GALNT13: variants seen among roughly 807,000 people sequenced by gnomAD.
GALNT13 encodes polypeptide N-acetylgalactosaminyltransferase 13, also known as UDP-GalNAc:polypeptide N-acetylgalactosaminyltransferase 13.
In GALNT13, 28 loss-of-function variants were observed where a neutral mutation model predicts 64.2. That is an observed-to-expected ratio of 0.44 (90% confidence interval 0.32 to 0.60). The LOEUF (loss-of-function observed/expected upper bound fraction) is 0.60, where lower values mean the gene tolerates loss of function less well. GALNT13 is among the 20% of genes least tolerant of loss of function. The pLI is 0.05. For missense variants in GALNT13, 577 were observed against 669.8 expected (o/e 0.86, Z 1.53); for synonymous variants, 214 against 224.6 (o/e 0.95, Z 0.42).
the GALNT13 span, among the ~76,000 whole-genome samples, chr2:153,460,495 C>A: frequency 6.6e-6 from 1 of 151,958 alleles, no homozygotes. Flanking sequence ...CTGAAGAAGA[C>A]CATCATTATT....
the GALNT13 span, among the ~76,000 whole-genome samples, chr2:153,657,477 A>G: frequency 3.3e-5 from 5 of 152,084 alleles, no homozygotes; most frequent in Admixed American, 6.6e-5. Flanking sequence ...TCAATTAGAT[A>G]CTGATTTCAC....
the GALNT13 span, among the ~76,000 whole-genome samples, chr2:153,507,577 GTGA>G: frequency 6.6e-6 from 1 of 151,956 alleles, no homozygotes; most frequent in Non-Finnish European, 1.5e-5. Context: ...CCATGCCCAG[GTGA>G]TGTTTTTTAT....
chr2:153,499,670 GC>G, the GALNT13 span, among the ~76,000 whole-genome samples: 1 of 152,234 alleles, frequency 6.6e-6, no homozygotes, highest in Non-Finnish European at 1.5e-5. Context: ...TCCAGAGGGG[GC>G]TGAGGGGGCA....
At chr2:153,958,997 A>C (rs1334979790) in intron 3 of GALNT13, among the ~76,000 whole-genome samples, 2 of 152,258 alleles carry the variant, frequency 1.3e-5, no homozygotes, top group Admixed American at 6.5e-5. Flanking sequence ...CCTTTGGCCA[A>C]GAGGGGCTTA....
intron 9 of GALNT13, among the ~76,000 whole-genome samples, chr2:154,329,236 G>A (rs751338678): frequency 6.6e-6 from 1 of 152,058 alleles, no homozygotes. Context: ...CTCCCAAGTA[G>A]TTGGGACTAC....
the GALNT13 span, among the ~76,000 whole-genome samples, chr2:153,666,432 C>T: frequency 3.3e-5 from 5 of 152,080 alleles, no homozygotes; most frequent in African/African-American, 1.2e-4. Flanking sequence ...TGCCATTGCC[C>T]CAAGAAGTGC....
chr2:153,117,828 T>C, the GALNT13 span, among the ~76,000 whole-genome samples: 2 of 152,128 alleles, frequency 1.3e-5, no homozygotes, highest in Non-Finnish European at 2.9e-5. Flanking sequence ...TCCTTATGCT[T>C]GTTATTGTCA....
At chr2:153,509,873 G>GA in the GALNT13 span, among the ~76,000 whole-genome samples, 1 of 152,108 alleles carries the variant, frequency 6.6e-6, no homozygotes, top group Non-Finnish European at 1.5e-5. Flanking sequence ...ATTGGTGATG[G>GA]AAAAATCTCG....
chr2:153,680,834 T>C, the GALNT13 span, among the ~76,000 whole-genome samples: 1 of 151,956 alleles, frequency 6.6e-6, no homozygotes, highest in Non-Finnish European at 1.5e-5. Context: ...TATGACTAAT[T>C]TACTATTTTG....
At chr2:153,540,443 A>T in the GALNT13 span, among the ~76,000 whole-genome samples, 2 of 152,164 alleles carry the variant, frequency 1.3e-5, no homozygotes, top group African/African-American at 4.8e-5. Flanking sequence ...GAAGAGGGGA[A>T]ATGTGGGGTT....
At chr2:154,151,382 A>T (rs1342175075) in intron 4 of GALNT13, among the ~76,000 whole-genome samples, 1 of 152,062 alleles carries the variant, frequency 6.6e-6, no homozygotes, top group Non-Finnish European at 1.5e-5. Context: ...GGTGTGGTGC[A>T]GTGCTGAAAA....
chr2:153,591,494 A>G, the GALNT13 span, among the ~76,000 whole-genome samples: 1 of 152,212 alleles, frequency 6.6e-6, no homozygotes, highest in South Asian at 2.1e-4. Context: ...AATAGCCAAA[A>G]GAATTCTAAG....
At chr2:153,752,030 G>T in the GALNT13 span, among the ~76,000 whole-genome samples, 2 of 151,626 alleles carry the variant, frequency 1.3e-5, no homozygotes, top group Non-Finnish European at 2.9e-5. Context: ...GTCGAGGCTT[G>T]TAAATACTGT....
At chr2:153,546,899 A>G in the GALNT13 span, among the ~76,000 whole-genome samples, 1 of 152,332 alleles carries the variant, frequency 6.6e-6, no homozygotes, top group African/African-American at 2.4e-5. Flanking sequence ...AATAGAAAAC[A>G]ATTTCTATTC....
At chr2:153,873,836 CTCTT>C (rs1235598537) in intron 1 of GALNT13, among the ~76,000 whole-genome samples, 1 of 151,912 alleles carries the variant, frequency 6.6e-6, no homozygotes, top group Admixed American at 6.6e-5. Context: ...TTCTCTCTCT[CTCTT>C]TTTCTGTGTC....
At chr2:153,661,541 G>A in the GALNT13 span, among the ~76,000 whole-genome samples, 1 of 152,012 alleles carries the variant, frequency 6.6e-6, no homozygotes, top group Non-Finnish European at 1.5e-5. Context: ...ACAATTAGCA[G>A]TCTCCAAACA....
At chr2:153,311,020 T>C in the GALNT13 span, among the ~76,000 whole-genome samples, 3 of 152,166 alleles carry the variant, frequency 2.0e-5, no homozygotes, top group Non-Finnish European at 4.4e-5. Context: ...TATTCAAATG[T>C]GTTCATTAAA....
the GALNT13 span, among the ~76,000 whole-genome samples, chr2:153,697,622 G>C: frequency 6.6e-6 from 1 of 152,346 alleles, no homozygotes; most frequent in Non-Finnish European, 1.5e-5. Flanking sequence ...TCAAGAAGCA[G>C]TGAGAATGCT....
the GALNT13 span, among the ~76,000 whole-genome samples, chr2:153,088,351 T>A: frequency 7.6e-4 from 116 of 152,178 alleles, no homozygotes; most frequent in Non-Finnish European, 1.4e-3. Flanking sequence ...TAGATTTTCT[T>A]AAGTTTATTG....
Sources: gnomAD v4.1 joint callset for allele counts (sites outside exome capture counted in the v4.1 genomes callset) on GRCh38, gnomAD v4.1.1 for gene constraint, MANE v1.5 for transcripts, NCBI Gene and HGNC (gene_info 2026-07-23, HGNC 2026-07-21) for gene names.